Variants in VAMP3 observed in about 807,000 individuals in gnomAD.
The protein encoded by VAMP3 is vesicle associated membrane protein 3.
VAMP3 carries 11 observed loss-of-function variants against 18.1 expected under a neutral mutation model. That is an observed-to-expected ratio of 0.61 (90% CI 0.38 to 1.00). VAMP3 has a LOEUF of 1.00. VAMP3 is among the 50% of genes least tolerant of loss of function. The pLI, the probability that VAMP3 is intolerant of heterozygous loss-of-function variation, is 0.01. For synonymous variants in VAMP3, 49 were observed against 43.1 expected (o/e 1.14, Z -0.53); for missense variants, 122 against 127.3 (o/e 0.96, Z 0.20).
chr1:7,779,608 AT>A lies in VAMP3; in HGVS notation c.284-17del, dbSNP rs2097056067. On this transcript the variant is annotated splice_polypyrimidine_tract_variant and intron_variant, in intron 4 of 4. Coordinates refer to ENST00000054666, the MANE Select transcript of VAMP3 (RefSeq NM_004781.4). The stretch of plus-strand genomic sequence containing the variant: ...CCTGCTGTTTCCCCTGCCTTTTTGC[AT>A]CTCTCCTCCTTCTTAGTGTGGGTTG... 1 of 1,612,928 alleles carries A rather than the reference AT, an allele frequency of 6.2e-7. No homozygotes were observed. Among genetic ancestry groups the A allele is most frequent in the Non-Finnish European group, 8.5e-7 (1 of 1,179,474 alleles).
At chr1:7,772,773 C>G (rs1023982228) in intron 1 of VAMP3, 15 of 152,654 alleles carry the variant, frequency 9.8e-5, no homozygotes, top group African/African-American at 3.1e-4. Flanking sequence ...CCTGTAATCC[C>G]AGCTGCTTGG....
rs2150364469 is a variant in VAMP3 at position 7,771,322 on chromosome 1, T to G, written c.-62T>G. 1 of 1,588,620 alleles carries G rather than the reference T, an allele frequency of 6.3e-7. No individual in the cohort carries two copies. Among genetic ancestry groups the G allele is most frequent in the African/African-American group, 1.4e-5 (1 of 73,060 alleles). On this transcript the variant is annotated 5_prime_UTR_variant, in exon 1 of 5. Transcript: ENST00000054666. ...TCCCACCCATCTCCCTGGCCTCCGGTCCCAACTTCGCTTCTCTGCTGACCC... is the reference window on the plus strand; with the variant it reads ...TCCCACCCATCTCCCTGGCCTCCGGGCCCAACTTCGCTTCTCTGCTGACCC...
At chr1:7,771,512 G>A in intron 1 of VAMP3, 127 bp downstream of exon 1, 1 of 1,227,758 alleles carries the variant, frequency 8.1e-7, no homozygotes, top group Non-Finnish European at 1.1e-6. Flanking sequence ...CGGGGATCCC[G>A]AGGCCTGGGG....
intron 2 of VAMP3, among the ~76,000 whole-genome samples, chr1:7,774,102 G>C (rs888545631): frequency 1.3e-5 from 2 of 152,218 alleles, no homozygotes; most frequent in Non-Finnish European, 2.9e-5. Flanking sequence ...GCAGAAGATT[G>C]AGAAATTCAG....
chr1:7,774,865 T>G (rs562525126), intron 2 of VAMP3, among the ~76,000 whole-genome samples: 1 of 152,380 alleles, frequency 6.6e-6, no homozygotes, highest in Non-Finnish European at 1.5e-5. Context: ...GTTATAAATA[T>G]TCACAGGAAA....
intron 3 of VAMP3, 126 bp downstream of exon 3, chr1:7,777,444 T>G: frequency 8.0e-7 from 1 of 1,244,068 alleles, no homozygotes. Flanking sequence ...CATGGAAATG[T>G]GGGTCCACTG....
intron 2 of VAMP3, among the ~76,000 whole-genome samples, chr1:7,774,765 C>T (rs2097053403): frequency 6.6e-6 from 1 of 152,194 alleles, no homozygotes; most frequent in South Asian, 2.1e-4. Context: ...AGTAATATTC[C>T]ATTGTATGTG....
chr1:7,774,987 C>T (rs1473495570), intron 2 of VAMP3, among the ~76,000 whole-genome samples: 1 of 152,202 alleles, frequency 6.6e-6, no homozygotes, highest in African/African-American at 2.4e-5. Flanking sequence ...AAATTGTTTT[C>T]CACAATAGCT....
Position 7,777,214 on chromosome 1 carries a change from C to T in VAMP3, c.127C>T (p.Leu43Phe). 6.2e-7 allele frequency: 1 copy of T among 1,613,852 alleles called. No individual in the cohort carries two copies. ...VDKVLERDQK[L>F]SELDDRADAL... ...CAAGGTTCTGGAAAGAGACCAGAAGCTCTCTGAGTTAGACGACCGTGCAGA... is the reference window on the plus strand; with the variant it reads ...CAAGGTTCTGGAAAGAGACCAGAAGTTCTCTGAGTTAGACGACCGTGCAGA... The change falls in exon 3 of 5, where the codon CTC (leucine) becomes TTC (phenylalanine). Residue 43 changes from leucine to phenylalanine, a missense_variant. By Grantham distance (22) the Leu-to-Phe change is conservative. Transcript: ENST00000054666.
rs1470105863 is a variant in VAMP3 at position 7,779,712 on chromosome 1, A to G, written c.*67A>G. 10 of 1,607,430 alleles carry G rather than the reference A, an allele frequency of 6.2e-6. No individual in the cohort carries two copies. Among genetic ancestry groups the G allele is most frequent in the South Asian group, 1.1e-5 (1 of 90,668 alleles). Reference sequence around the variant, plus strand: ...CAAGACTTTTGACTTAGAACCTGCTATATTATCAAGCTTACCTACTGTTAT... The same window carrying G: ...CAAGACTTTTGACTTAGAACCTGCTGTATTATCAAGCTTACCTACTGTTAT... On this transcript the variant is annotated 3_prime_UTR_variant, in exon 5 of 5. Coordinates refer to ENST00000054666, the MANE Select transcript of VAMP3 (RefSeq NM_004781.4).
chr1:7,772,837 C>G (rs1240262267), intron 1 of VAMP3: 1 of 152,814 alleles, frequency 6.5e-6, no homozygotes, highest in South Asian at 2.1e-4. Flanking sequence ...TACAGTGAGC[C>G]GAGATCGCGC....
chr1:7,779,642 A>G lies in VAMP3; in HGVS notation c.300A>G (p.Ser100=). The change falls in exon 5 of 5, where the codon TCA becomes TCG. Residue 100 remains serine (S), a synonymous_variant. Transcript: ENST00000054666. Reference sequence around the variant, plus strand: ...CCTTCTTAGTGTGGGTTGTCTCTTCATGAAGAACCAGCGGAACTCAAAACT... The same window carrying G: ...CCTTCTTAGTGTGGGTTGTCTCTTCGTGAAGAACCAGCGGAACTCAAAACT... ...IIIIIVWVVS[S] 1 of 1,614,170 alleles carries G rather than the reference A, an allele frequency of 6.2e-7. No homozygotes were observed. The highest frequency in any genetic ancestry group is 1.1e-5 in the South Asian group (1 of 91,088).
chr1:7,778,202 GTCT>G (rs2097055270), intron 4 of VAMP3, 33 bp downstream of exon 4: 1 of 1,611,038 alleles, frequency 6.2e-7, no homozygotes, highest in Admixed American at 1.7e-5. Flanking sequence ...GATTGGAAAA[GTCT>G]TCTCCATGTG....
intron 4 of VAMP3, 134 bp downstream of exon 4, chr1:7,778,303 C>A: frequency 9.5e-7 from 1 of 1,049,244 alleles, no homozygotes; most frequent in Non-Finnish European, 1.5e-6. Context: ...TGACTCATGC[C>A]TGTAATCCCA....
At chr1:7,774,599 GCT>G (rs2097053238) in intron 2 of VAMP3, among the ~76,000 whole-genome samples, 2 of 152,028 alleles carry the variant, frequency 1.3e-5, no homozygotes, top group Admixed American at 6.5e-5. Flanking sequence ...CCTCTAATCA[GCT>G]CTCTCTTTCT....
At position 7,781,166 on chromosome 1, in the gene VAMP3, A is replaced by T. The variant is rs1333995517; in HGVS notation, c.*1521A>T. 1 of 152,812 alleles carries T rather than the reference A, an allele frequency of 6.5e-6. No individual in the cohort carries two copies. Among genetic ancestry groups the T allele is most frequent in the Non-Finnish European group, 1.5e-5 (1 of 68,068 alleles). The allele number at this position is 152,812 out of a possible 1,614,324, so 9.5% of individuals were successfully genotyped here. On this transcript the variant is annotated 3_prime_UTR_variant, in exon 5 of 5. Coordinates refer to ENST00000054666, the MANE Select transcript of VAMP3 (RefSeq NM_004781.4). ...CGTCTGTTCCCTTAACATCGCTGAA[A>T]TGATTTACTGTTGAAGAGATGCCTT...
chr1:7,771,444 G>GGC, intron 1 of VAMP3, 59 bp downstream of exon 1: 1 of 1,495,494 alleles, frequency 6.7e-7, no homozygotes. Flanking sequence ...GCTCGCGCTG[G>GGC]GACCGCCATA....
At chr1:7,777,988 T>G (rs2097055131) in intron 3 of VAMP3, 130 bp from the exon 4 acceptor site, 5 of 938,082 alleles carry the variant, frequency 5.3e-6, no homozygotes, top group African/African-American at 1.6e-5. Context: ...GCTTTAGAAA[T>G]TATTAATTAC....
Position 7,771,355 on chromosome 1 carries a change from T to TCGCCGCTGCCGC in VAMP3, c.-22_-11dup, listed in dbSNP as rs1290087866. On this transcript the variant is annotated 5_prime_UTR_variant, in exon 1 of 5. Transcript: ENST00000054666. ...TCGCTTCTCTGCTGACCCTCTCTCG[T>TCGCCGCTGCCGC]CGCCGCTGCCGCCGCCGCAGCTGCC... The TCGCCGCTGCCGC allele has an allele frequency of 2.5e-6, 4 of 1,592,626 alleles. No individual in the cohort carries two copies. The highest frequency in any genetic ancestry group is 3.4e-5 in the Admixed American group (2 of 59,076).
Sources: allele counts gnomAD v4.1 joint callset (sites outside exome capture counted in the v4.1 genomes callset), GRCh38; gene constraint gnomAD v4.1.1; transcripts MANE v1.5; gene names NCBI Gene and HGNC (gene_info 2026-07-23, HGNC 2026-07-21).